Variants in TUSC3 observed in about 807,000 individuals in gnomAD.
TUSC3 encodes tumor suppressor candidate 3.
A neutral mutation model predicts 44.8 loss-of-function variants in TUSC3; 45 were observed. That is an observed-to-expected ratio of 1.00 (90% confidence interval 0.79 to 1.29). The LOEUF is 1.29. Among genes scored for constraint, TUSC3 ranks in the 50% most tolerant of loss-of-function variants. The probability of loss-of-function intolerance (pLI) is 0.00; values close to 1 mark genes in which losing one functional copy is unlikely to be tolerated. For synonymous variants in TUSC3, 212 were observed against 152.9 expected, an observed-to-expected ratio of 1.39 and a Z score of -2.85; for missense variants, 519 against 437.9, an observed-to-expected ratio of 1.19 and a Z score of -1.65.
intron 1 of TUSC3, among the ~76,000 whole-genome samples, chr8:15,455,843 A>T (rs2129121075): frequency 2.0e-5 from 3 of 152,338 alleles, no homozygotes; most frequent in Middle Eastern, 6.8e-3. Flanking sequence ...TCATAAAGCT[A>T]ATGAGAGACC....
intron 5 of TUSC3, among the ~76,000 whole-genome samples, chr8:15,669,932 C>T (rs1044354555): frequency 3.3e-5 from 5 of 151,306 alleles, no homozygotes; most frequent in Non-Finnish European, 4.4e-5. Context: ...AGACCTAATT[C>T]GTAAATTGGG....
At chr8:15,432,188 C>A (rs117944360) in intron 1 of TUSC3, among the ~76,000 whole-genome samples, 3,633 of 152,142 alleles carry the variant, frequency 0.024, 64 homozygotes, top group Middle Eastern at 0.051. Context: ...GTGTGGCATT[C>A]ATTCTTCTAT....
At chr8:15,634,136 A>G (rs907194376) in intron 2 of TUSC3, among the ~76,000 whole-genome samples, 1 of 152,240 alleles carries the variant, frequency 6.6e-6, no homozygotes, top group African/African-American at 2.4e-5. Context: ...ACAAGATGGT[A>G]TTAAACTTTT....
chr8:15,465,001 C>A (rs1016506502), intron 1 of TUSC3, among the ~76,000 whole-genome samples: 1 of 152,104 alleles, frequency 6.6e-6, no homozygotes, highest in Admixed American at 6.6e-5. Context: ...AGGCACCTGC[C>A]ACCATGCCCA....
intron 1 of TUSC3, among the ~76,000 whole-genome samples, chr8:15,464,633 A>C (rs1023862006): frequency 6.6e-6 from 1 of 152,212 alleles, no homozygotes; most frequent in East Asian, 1.9e-4. Context: ...TCAGTATATC[A>C]GTTAGCTTTA....
the TUSC3 span, among the ~76,000 whole-genome samples, chr8:15,778,163 C>G: frequency 6.6e-6 from 1 of 151,684 alleles, no homozygotes; most frequent in Non-Finnish European, 1.5e-5. Context: ...TTGTTTCCAA[C>G]TAATTAGGAA....
intron 2 of TUSC3, among the ~76,000 whole-genome samples, chr8:15,524,072 T>C (rs968113246): frequency 7.5e-6 from 1 of 132,750 alleles, no homozygotes; most frequent in African/African-American, 2.8e-5. Flanking sequence ...AAAAAAAAAA[T>C]AGAAATCAGA....
chr8:15,834,079 T>G, the TUSC3 span, among the ~76,000 whole-genome samples: 1 of 152,158 alleles, frequency 6.6e-6, no homozygotes, highest in South Asian at 2.1e-4. Flanking sequence ...TTTTATATTT[T>G]TCTTATAGTA....
In TUSC3 at chr8:15,428,410, A is replaced by C. The variant is rs529372525; in HGVS notation, n.91+11105A>C. Reference sequence around the variant, plus strand: ...TTGGTTCCAAGTCTTTGCTATTGTGAATAGTGCCGCAATAAACATACGTGT... The same window carrying C: ...TTGGTTCCAAGTCTTTGCTATTGTGCATAGTGCCGCAATAAACATACGTGT... On this transcript the variant is annotated intron_variant and non_coding_transcript_variant, in intron 1 of 5. Transcript: ENST00000503191. Among the ~76,000 whole-genome samples the C allele has an allele frequency of 7.1e-3, 1,084 of 151,954 alleles. 11 individuals carry two copies. The highest frequency in any genetic ancestry group is 0.025 in the African/African-American group (1,016 of 41,420).
chr8:15,588,354 T>G (rs956282245), intron 1 of TUSC3, among the ~76,000 whole-genome samples: 1 of 152,184 alleles, frequency 6.6e-6, no homozygotes, highest in African/African-American at 2.4e-5. Context: ...CATTTGTGTA[T>G]CTTCTTTTTC....
chr8:15,590,341 A>T (rs762279375), intron 1 of TUSC3, among the ~76,000 whole-genome samples: 1 of 152,130 alleles, frequency 6.6e-6, no homozygotes, highest in Non-Finnish European at 1.5e-5. Context: ...GGCAAAGTCA[A>T]ACCCAGGCTT....
chr8:15,681,554 T>C (rs1270720013), intron 6 of TUSC3, among the ~76,000 whole-genome samples: 1 of 49,338 alleles, frequency 2.0e-5, no homozygotes, highest in African/African-American at 7.5e-5. Context: ...ATTTGGATCT[T>C]TTCTCTTTTT....
chr8:15,837,944 A>G, the TUSC3 span, among the ~76,000 whole-genome samples: 15 of 152,236 alleles, frequency 9.9e-5, no homozygotes, highest in African/African-American at 3.1e-4. Flanking sequence ...AGTTTGCATG[A>G]AAGAAGAGTC....
intron 8 of TUSC3, among the ~76,000 whole-genome samples, chr8:15,746,992 G>T (rs918179416): frequency 2.0e-5 from 3 of 151,942 alleles, no homozygotes; most frequent in Non-Finnish European, 4.4e-5. Context: ...TTGAAGTTCA[G>T]CTGCATGAGT....
At chr8:15,516,814 A>C (rs1417756248) in intron 2 of TUSC3, among the ~76,000 whole-genome samples, 1 of 152,198 alleles carries the variant, frequency 6.6e-6, no homozygotes, top group Non-Finnish European at 1.5e-5. Context: ...AATGGGGACT[A>C]TCCATTATAA....
chr8:15,749,983 A>T (rs910641137), intron 9 of TUSC3, among the ~76,000 whole-genome samples: 2 of 139,646 alleles, frequency 1.4e-5, no homozygotes, highest in Non-Finnish European at 3.1e-5. Context: ...ATACTGTGAG[A>T]TTTTTTTTTT....
the TUSC3 span, among the ~76,000 whole-genome samples, chr8:15,774,035 A>C: frequency 5.3e-5 from 8 of 152,196 alleles, no homozygotes; most frequent in Non-Finnish European, 1.2e-4. Flanking sequence ...ACAAAATAAA[A>C]ATATAACTTA....
Position 15,540,359 on chromosome 8 carries a change from G to A in TUSC3, c.-72G>A. Reference sequence around the variant, plus strand: ...CCAGCGGGCTCCCGGAGGCTGGCCGGGCAGGCGTGGTGCGCGGTAGGAGCT... The same window carrying A: ...CCAGCGGGCTCCCGGAGGCTGGCCGAGCAGGCGTGGTGCGCGGTAGGAGCT... On this transcript the variant is annotated 5_prime_UTR_variant, in exon 1 of 11. Coordinates refer to ENST00000503731, the MANE Select transcript of TUSC3 (RefSeq NM_006765.4). 7.0e-7 allele frequency: 1 copy of A among 1,423,116 alleles called. No homozygotes were observed. 88.2% of individuals were successfully genotyped at this position (1,423,116 alleles called of 1,614,324 possible). A position where few individuals can be genotyped will look rare whatever the true frequency, so the allele number is the denominator to read the frequency against.
At chr8:15,801,840 G>A in the TUSC3 span, among the ~76,000 whole-genome samples, 1 of 152,196 alleles carries the variant, frequency 6.6e-6, no homozygotes, top group Non-Finnish European at 1.5e-5. Flanking sequence ...TGCTGTTCAA[G>A]AAATTGAATC....
Sources: allele counts gnomAD v4.1 joint callset (sites outside exome capture counted in the v4.1 genomes callset), GRCh38; gene constraint gnomAD v4.1.1; transcripts MANE v1.5; gene names NCBI Gene and HGNC (gene_info 2026-07-23, HGNC 2026-07-21).